Variants in TSPAN18 observed in about 807,000 individuals in gnomAD.
TSPAN18 encodes the protein tetraspanin-18.
In TSPAN18, 14 loss-of-function variants were observed where a neutral mutation model predicts 27.3. The ratio of observed to expected loss-of-function variants is 0.51; its 90% CI spans 0.34 to 0.80. The LOEUF (loss-of-function observed/expected upper bound fraction) is 0.80. Ranked by LOEUF, TSPAN18 falls within the 30% of genes least tolerant of loss-of-function variation. The pLI, the probability that TSPAN18 is intolerant of heterozygous loss-of-function variation, is 0.01. For synonymous variants in TSPAN18, 143 were observed against 136.5 expected (o/e 1.05, Z -0.33); for missense variants, 268 against 323.9 (o/e 0.83, Z 1.32).
At chr11:44,755,112 G>A (rs1054936532) in intron 1 of TSPAN18, among the ~76,000 whole-genome samples, 10 of 152,140 alleles carry the variant, frequency 6.6e-5, no homozygotes, top group African/African-American at 2.4e-4. Context: ...CATTTATGGG[G>A]ATTGGGACAT....
chr11:44,811,378 A>C (rs571327422), intron 2 of TSPAN18, among the ~76,000 whole-genome samples: 67 of 152,226 alleles, frequency 4.4e-4, no homozygotes, highest in African/African-American at 1.6e-3. Flanking sequence ...CTCTACAATT[A>C]GCCTTGGAAA....
chr11:44,885,581 C>G (rs948980598), intron 3 of TSPAN18, among the ~76,000 whole-genome samples: 43 of 152,158 alleles, frequency 2.8e-4, no homozygotes, highest in African/African-American at 9.9e-4. Context: ...CTCCCTCCCC[C>G]AACCCCTGAA....
chr11:44,907,670 T>C (rs1859502392), intron 4 of TSPAN18, among the ~76,000 whole-genome samples: 1 of 151,968 alleles, frequency 6.6e-6, no homozygotes, highest in African/African-American at 2.4e-5. Flanking sequence ...GGGCCCTCCT[T>C]GAAGTGTTTA....
At chr11:44,797,728 C>T (rs1856381791) in intron 2 of TSPAN18, among the ~76,000 whole-genome samples, 1 of 152,104 alleles carries the variant, frequency 6.6e-6, no homozygotes, top group African/African-American at 2.4e-5. Flanking sequence ...GTCAAGAGCA[C>T]ATGTGAATGG....
chr11:44,743,257 C>A (rs1373988437), intron 1 of TSPAN18, among the ~76,000 whole-genome samples: 1 of 152,104 alleles, frequency 6.6e-6, no homozygotes, highest in Non-Finnish European at 1.5e-5. Flanking sequence ...CCAAGGTTTG[C>A]GTCAGGAAAA....
chr11:44,856,332 C>A (rs891684711), intron 2 of TSPAN18, among the ~76,000 whole-genome samples: 2 of 152,166 alleles, frequency 1.3e-5, no homozygotes, highest in African/African-American at 4.8e-5. Context: ...GTCTCACTTC[C>A]CACTCTGCCC....
intron 1 of TSPAN18, among the ~76,000 whole-genome samples, chr11:44,756,949 T>G (rs1285994608): frequency 6.6e-6 from 1 of 152,244 alleles, no homozygotes; most frequent in Non-Finnish European, 1.5e-5. Flanking sequence ...AAGAAAAGCT[T>G]TTGGTCTTTC....
chr11:44,908,056 G>GGAAAA (rs553814406), intron 4 of TSPAN18, among the ~76,000 whole-genome samples: 4 of 124,964 alleles, frequency 3.2e-5, no homozygotes, highest in East Asian at 2.4e-4. Flanking sequence ...CTCCGTCTCA[G>GGAAAA]AAAAAAAAAA....
chr11:44,920,080 C>A, intron 8 of TSPAN18, 81 bp downstream of exon 8: 1 of 1,406,862 alleles, frequency 7.1e-7, no homozygotes, highest in Non-Finnish European at 9.6e-7. Flanking sequence ...CGCTATCACC[C>A]CAGAGGGTCT....
At chr11:44,917,767 A>G (rs978500374) in intron 5 of TSPAN18, 9 of 593,684 alleles carry the variant, frequency 1.5e-5, no homozygotes, top group Non-Finnish European at 2.4e-5. Context: ...TATTCTTTTC[A>G]TATTTTGATC....
Position 44,871,924 on chromosome 11 carries a change from C to T in TSPAN18, c.-11+11455C>T, listed in dbSNP as rs967217155. Among the ~76,000 whole-genome samples, 5 of 152,052 alleles carry T rather than the reference C, an allele frequency of 3.3e-5. No homozygotes were observed. In the East Asian group the frequency reaches 9.7e-4, roughly 29 times the overall value. On this transcript the variant is annotated intron_variant, in intron 3 of 9. Coordinates refer to ENST00000520358, the MANE Select transcript of TSPAN18 (RefSeq NM_130783.5). ...AGCAAGAGAGGGAGCTCTGTAGTTT[C>T]TCTTCCTCTTTTTTTTTGAGACAGA... is the stretch of plus-strand genomic sequence containing the variant.
At chr11:44,888,340 C>T (rs1858729382) in intron 3 of TSPAN18, among the ~76,000 whole-genome samples, 1 of 152,186 alleles carries the variant, frequency 6.6e-6, no homozygotes, top group East Asian at 1.9e-4. Context: ...GAATAATTCA[C>T]CCACTTTTCA....
chr11:44,734,114 C>G (rs1395145727), intron 1 of TSPAN18, among the ~76,000 whole-genome samples: 4 of 152,182 alleles, frequency 2.6e-5, no homozygotes, highest in Non-Finnish European at 5.9e-5. Context: ...CACATGATCT[C>G]TGCACATGCC....
chr11:44,855,112 A>T (rs1361084203), intron 2 of TSPAN18, among the ~76,000 whole-genome samples: 7 of 151,724 alleles, frequency 4.6e-5, no homozygotes, highest in Non-Finnish European at 7.4e-5. Context: ...GTTTATGTTT[A>T]TGGACTGCCA....
intron 3 of TSPAN18, among the ~76,000 whole-genome samples, chr11:44,899,014 G>A (rs1042318439): frequency 6.6e-6 from 1 of 152,158 alleles, no homozygotes; most frequent in Non-Finnish European, 1.5e-5. Context: ...GGGTTGCTGT[G>A]ACAGGCACAT....
intron 3 of TSPAN18, chr11:44,885,758 TG>T (rs1451516290): frequency 1.3e-5 from 2 of 152,272 alleles, no homozygotes; most frequent in East Asian, 3.9e-4. Flanking sequence ...AGGGTGCTTC[TG>T]TCACGGTCTC....
At chr11:44,860,189 T>G (rs1248812428) in intron 2 of TSPAN18, 139 bp from the exon 3 acceptor site, 1 of 152,186 alleles carries the variant, frequency 6.6e-6, no homozygotes, top group African/African-American at 2.4e-5. Context: ...GAGTGCCCAA[T>G]CCTGATGCTC....
intron 1 of TSPAN18, among the ~76,000 whole-genome samples, chr11:44,762,184 C>T (rs1855468678): frequency 6.6e-6 from 1 of 152,212 alleles, no homozygotes; most frequent in Non-Finnish European, 1.5e-5. Context: ...CCCAAGGGGT[C>T]ATTGCAGCAA....
chr11:44,869,988 G>T (rs1014106141), intron 3 of TSPAN18, among the ~76,000 whole-genome samples: 2 of 88,984 alleles, frequency 2.2e-5, no homozygotes, highest in Non-Finnish European at 4.3e-5. Context: ...GCCTCAGCCC[G>T]CAGTGCCACA....
Sources: allele counts gnomAD v4.1 joint callset (sites outside exome capture counted in the v4.1 genomes callset), GRCh38; gene constraint gnomAD v4.1.1; transcripts MANE v1.5; gene names NCBI Gene and HGNC (gene_info 2026-07-23, HGNC 2026-07-21).